Variants in EXOC6B observed in about 807,000 individuals in gnomAD.
EXOC6B encodes exocyst complex component 6B.
A neutral mutation model predicts 113.5 loss-of-function variants in EXOC6B; 54 were observed. That is an observed-to-expected ratio of 0.48 (90% CI 0.38 to 0.60). EXOC6B has a LOEUF of 0.60. Ranked by LOEUF, EXOC6B falls within the 20% of genes least tolerant of loss-of-function variation. The pLI is 0.00. For synonymous variants in EXOC6B, 357 were observed against 339.0 expected, an observed-to-expected ratio of 1.05 and a Z score of -0.58; for missense variants, 797 against 977.5, an observed-to-expected ratio of 0.82 and a Z score of 2.46.
intron 20 of EXOC6B, among the ~76,000 whole-genome samples, chr2:72,325,375 G>A (rs199733713): frequency 6.6e-6 from 1 of 151,962 alleles, no homozygotes; most frequent in African/African-American, 2.4e-5. Context: ...CCTACACAAG[G>A]CTCCTTCCTT....
chr2:72,406,294 T>C (rs6744701), intron 18 of EXOC6B, among the ~76,000 whole-genome samples: 29,986 of 151,380 alleles, frequency 0.2, 5,464 homozygotes, highest in African/African-American at 0.49. Context: ...GACAGATCAA[T>C]GAGACAGAAA....
intron 19 of EXOC6B, among the ~76,000 whole-genome samples, chr2:72,371,002 A>AAT (rs761961139): frequency 6.6e-5 from 10 of 151,238 alleles, no homozygotes; most frequent in Admixed American, 2.0e-4. Context: ...GTATAATAAA[A>AAT]ATATATATAT....
chr2:72,637,299 A>T (rs1672911768), intron 6 of EXOC6B, among the ~76,000 whole-genome samples: 3 of 152,330 alleles, frequency 2.0e-5, no homozygotes, highest in African/African-American at 7.2e-5. Context: ...TAATTAAACT[A>T]AACAGCTTCT....
At chr2:72,712,661 C>G (rs1679351332) in intron 6 of EXOC6B, among the ~76,000 whole-genome samples, 1 of 152,186 alleles carries the variant, frequency 6.6e-6, no homozygotes, top group South Asian at 2.1e-4. Context: ...TGCTGGAGCA[C>G]TGAATCTTTC....
chr2:72,453,651 T>C (rs1372624235), intron 18 of EXOC6B, among the ~76,000 whole-genome samples: 1 of 152,218 alleles, frequency 6.6e-6, no homozygotes. Context: ...TATTAAAGTT[T>C]ATATAACAGT....
intron 1 of EXOC6B, among the ~76,000 whole-genome samples, chr2:72,779,049 C>T (rs1454498800): frequency 6.6e-6 from 1 of 151,888 alleles, no homozygotes; most frequent in East Asian, 1.9e-4. Context: ...CATGTTTCTT[C>T]CATGTTTACT....
At chr2:72,254,438 C>G (rs548110797) in intron 20 of EXOC6B, among the ~76,000 whole-genome samples, 35 of 152,320 alleles carry the variant, frequency 2.3e-4, no homozygotes, top group African/African-American at 8.2e-4. Context: ...GACAACGGCT[C>G]TGCCAATGCC....
chr2:72,251,077 C>T (rs1682988092), intron 20 of EXOC6B, among the ~76,000 whole-genome samples: 1 of 119,360 alleles, frequency 8.4e-6, no homozygotes, highest in African/African-American at 2.7e-5. Flanking sequence ...ATCTGCCCCC[C>T]TTGGCCTTTA....
At chr2:72,722,258 C>A (rs1338475610) in intron 5 of EXOC6B, among the ~76,000 whole-genome samples, 1 of 152,054 alleles carries the variant, frequency 6.6e-6, no homozygotes, top group Non-Finnish European at 1.5e-5. Flanking sequence ...CTCCTTCATA[C>A]TTTTAATTTC....
At chr2:72,307,151 G>GTA (rs1686911646) in intron 20 of EXOC6B, among the ~76,000 whole-genome samples, 1 of 116,868 alleles carries the variant, frequency 8.6e-6, no homozygotes, top group Non-Finnish European at 1.6e-5. Flanking sequence ...GACTGCAATG[G>GTA]TATAGTCCAG....
chr2:72,564,683 A>G (rs1040094269), intron 7 of EXOC6B, among the ~76,000 whole-genome samples: 1 of 152,214 alleles, frequency 6.6e-6, no homozygotes, highest in African/African-American at 2.4e-5. Flanking sequence ...AAAGAAGGGT[A>G]GAATTCATTT....
At chr2:72,667,118 C>A (rs141192361) in intron 6 of EXOC6B, among the ~76,000 whole-genome samples, 1 of 152,294 alleles carries the variant, frequency 6.6e-6, no homozygotes, top group East Asian at 1.9e-4. Context: ...CCGCCTTTGT[C>A]TCCCAAAGTG....
intron 6 of EXOC6B, among the ~76,000 whole-genome samples, chr2:72,582,944 C>G (rs1705321792): frequency 6.6e-6 from 1 of 151,950 alleles, no homozygotes; most frequent in African/African-American, 2.4e-5. Context: ...GGTTGAAAAT[C>G]AACACAAAGA....
At chr2:72,753,103 C>T (rs958173652) in intron 1 of EXOC6B, among the ~76,000 whole-genome samples, 5 of 152,012 alleles carry the variant, frequency 3.3e-5, no homozygotes, top group South Asian at 2.1e-4. Context: ...CATCGCAAAC[C>T]GTGCATGTCA....
intron 18 of EXOC6B, among the ~76,000 whole-genome samples, chr2:72,381,091 T>C (rs1691652741): frequency 6.6e-6 from 1 of 152,220 alleles, no homozygotes; most frequent in African/African-American, 2.4e-5. Flanking sequence ...CAGATGACCA[T>C]TATTGGTATT....
At chr2:72,602,392 T>A (rs924571315) in intron 6 of EXOC6B, among the ~76,000 whole-genome samples, 1 of 152,172 alleles carries the variant, frequency 6.6e-6, no homozygotes, top group African/African-American at 2.4e-5. Flanking sequence ...AAAACCAACA[T>A]ACTCCACGTG....
intron 8 of EXOC6B, among the ~76,000 whole-genome samples, chr2:72,531,576 G>T (rs1702004936): frequency 2.0e-5 from 3 of 152,190 alleles, no homozygotes; most frequent in Non-Finnish European, 1.5e-5. Context: ...GTTAAAATAT[G>T]CAGGGTATTT....
At chr2:72,536,567 A>G (rs1361356014) in intron 8 of EXOC6B, among the ~76,000 whole-genome samples, 1 of 152,184 alleles carries the variant, frequency 6.6e-6, no homozygotes, top group Non-Finnish European at 1.5e-5. Flanking sequence ...GTAAATACCA[A>G]TTTCACTAAC....
At chr2:72,627,804 G>A (rs2104243639) in intron 6 of EXOC6B, among the ~76,000 whole-genome samples, 1 of 152,260 alleles carries the variant, frequency 6.6e-6, no homozygotes, top group East Asian at 1.9e-4. Flanking sequence ...TGTTGCCCAG[G>A]CAGGACTCAA....
Sources: gnomAD v4.1 joint callset for allele counts (sites outside exome capture counted in the v4.1 genomes callset) on GRCh38, gnomAD v4.1.1 for gene constraint, MANE v1.5 for transcripts, NCBI Gene and HGNC (gene_info 2026-07-23, HGNC 2026-07-21) for gene names.